The following SYPL1 variants were observed in gnomAD, a reference collection of about 807,000 sequenced individuals.
SYPL1 encodes the protein synaptophysin like 1.
SYPL1 carries 6 observed loss-of-function variants against 23.7 expected under a neutral mutation model. The observed-to-expected ratio is 0.25, with a 90% CI of 0.14 to 0.50. SYPL1 has a LOEUF of 0.50. Among genes scored for constraint, SYPL1 ranks in the 20% least tolerant of loss-of-function variants. SYPL1 has a pLI of 0.98. For missense variants in SYPL1, 253 were observed against 288.9 expected, an observed-to-expected ratio of 0.88 and a Z score of 0.90; for synonymous variants, 102 against 104.5, an observed-to-expected ratio of 0.98 and a Z score of 0.15.
At chr7:106,111,308 C>T (rs1479033275) in intron 1 of SYPL1, among the ~76,000 whole-genome samples, 1 of 152,240 alleles carries the variant, frequency 6.6e-6, no homozygotes, top group Non-Finnish European at 1.5e-5. Flanking sequence ...ATAAACACAA[C>T]TTGCCTGCAG....
At chr7:106,107,495 C>A (rs1840663687) in intron 1 of SYPL1, among the ~76,000 whole-genome samples, 1 of 152,160 alleles carries the variant, frequency 6.6e-6, no homozygotes, top group African/African-American at 2.4e-5. Context: ...AATCCCAGCA[C>A]TTTGGGAGGC....
intron 4 of SYPL1, 68 bp downstream of exon 4, chr7:106,092,881 C>T: frequency 7.7e-7 from 1 of 1,304,760 alleles, no homozygotes; most frequent in Non-Finnish European, 1.0e-6. Context: ...AAAGCTATTG[C>T]TTTCCTGAAT....
At position 106,109,701 on chromosome 7, in the gene SYPL1, C is replaced by T. The variant is rs10268764; in HGVS notation, c.69+2439G>A. Among the ~76,000 whole-genome samples the T allele has an allele frequency of 0.052, 7,894 of 152,230 alleles. 699 individuals are homozygous for T. The highest frequency in any genetic ancestry group is 0.18 in the African/African-American group (7,397 of 41,498). On this transcript the variant is annotated intron_variant, in intron 1 of 4. Coordinates refer to ENST00000455385, the MANE Select transcript of SYPL1 (RefSeq NM_182715.4). The surrounding 1 kb of genome is among the most constrained non-coding windows in gnomAD (Gnocchi z 4.3). ...CTCCTCCTCCTCTTAATGACATTACCTTGAATATGCTAATGGCAACGAAGT... is the reference window on the plus strand; with the variant it reads ...CTCCTCCTCCTCTTAATGACATTACTTTGAATATGCTAATGGCAACGAAGT...
Position 106,091,729 on chromosome 7 carries a change from A to C in SYPL1, c.*76T>G. Reference sequence around the variant, plus strand: ...CAAAGCCATTACTTTTATTAGAAACAAATAATGCTTCTCAAGGTGTTGGCA... The same window carrying C: ...CAAAGCCATTACTTTTATTAGAAACCAATAATGCTTCTCAAGGTGTTGGCA... On this transcript the variant is annotated 3_prime_UTR_variant, in exon 5 of 5. Coordinates refer to ENST00000455385, the MANE Select transcript of SYPL1 (RefSeq NM_182715.4). The surrounding 1 kb of genome is among the most constrained non-coding windows in gnomAD (Gnocchi z 5.0). 6.8e-7 allele frequency: 1 copy of C among 1,474,346 alleles called. No homozygotes were observed. The highest frequency in any genetic ancestry group is 1.4e-5 in the African/African-American group (1 of 70,854). 91.3% of individuals were successfully genotyped at this position (1,474,346 alleles called of 1,614,324 possible).
intron 1 of SYPL1, among the ~76,000 whole-genome samples, chr7:106,102,143 A>C (rs1411591830): frequency 3.3e-5 from 5 of 150,872 alleles, no homozygotes; most frequent in Admixed American, 6.6e-5. Flanking sequence ...CCCAGGCTGG[A>C]GTGCAATGGT....
intron 1 of SYPL1, among the ~76,000 whole-genome samples, chr7:106,102,833 C>G (rs985569796): frequency 9.2e-5 from 14 of 152,010 alleles, no homozygotes; most frequent in African/African-American, 3.1e-4. Flanking sequence ...AGTAAATGGT[C>G]CAGATGAGCT....
rs760702039 is a variant in SYPL1 at position 106,091,842 on chromosome 7, T to G, written c.689A>C (p.His230Pro). The G allele has an allele frequency of 6.2e-7, 1 of 1,613,562 alleles. No homozygotes were observed. The highest frequency in any genetic ancestry group is 1.1e-5 in the South Asian group (1 of 91,022). Reference protein sequence around the residue: ...LHSPSNTSAPHSQGGIPPPTG... With the variant: ...LHSPSNTSAPPSQGGIPPPTG... ...AGGAGGTGGAATACCTCCTTGGCTA[T>G]GAGGGGCAGATGTATTTGATGGACT... Residue 230 changes from histidine (H) to proline (P), a missense_variant, in exon 5 of 5, where the codon CAT becomes CCT. Coordinates refer to ENST00000455385, the MANE Select transcript of SYPL1 (RefSeq NM_182715.4). The surrounding 1 kb of genome is among the most constrained non-coding windows in gnomAD (Gnocchi z 5.0).
chr7:106,090,955 C>T lies in SYPL1; in HGVS notation c.*850G>A, dbSNP rs997680592. 1 of 152,184 alleles carries T rather than the reference C, an allele frequency of 6.6e-6. No homozygotes were observed. Among genetic ancestry groups the T allele is most frequent in the African/African-American group, 2.4e-5 (1 of 41,446 alleles). The allele number at this position is 152,184 out of a possible 1,614,324, so 9.4% of individuals were successfully genotyped here. On this transcript the variant is annotated 3_prime_UTR_variant, in exon 5 of 5. Transcript: ENST00000455385. Reference sequence around the variant, plus strand: ...ATTTTTTTAACCCTTTGACTAGGGTCTGTAAAAAACGGTGGATTATTTTAC... The same window carrying T: ...ATTTTTTTAACCCTTTGACTAGGGTTTGTAAAAAACGGTGGATTATTTTAC...
chr7:106,105,762 A>C (rs1413772799), intron 1 of SYPL1, among the ~76,000 whole-genome samples: 1 of 152,194 alleles, frequency 6.6e-6, no homozygotes, highest in Non-Finnish European at 1.5e-5. Context: ...CATGCTGGGT[A>C]TCCTGAAGGT....
rs1585932501 is a variant in SYPL1, at chr7:106,091,621, ATACATT to A, written c.*178_*183del. On this transcript the variant is annotated 3_prime_UTR_variant, in exon 5 of 5. Transcript: ENST00000455385. This position sits in a 1 kb window ranked among gnomAD's most constrained non-coding sequence, Gnocchi z 5.0. ...TGAACTTTCAAATTTACATGTGAGA[ATACATT>A]TACATCTTAACTTTCTAGGAAAGGC... The A allele has an allele frequency of 1.9e-6, 1 of 533,870 alleles. No individual in the cohort carries two copies. The highest frequency in any genetic ancestry group is 3.2e-5 in the East Asian group (1 of 31,332). The allele number at this position is 533,870 out of a possible 1,614,324, so 33.1% of individuals were successfully genotyped here. A position where few individuals can be genotyped will look rare whatever the true frequency, so the allele number is the denominator to read the frequency against.
At chr7:106,106,212 T>G (rs762615350) in intron 1 of SYPL1, among the ~76,000 whole-genome samples, 1 of 152,172 alleles carries the variant, frequency 6.6e-6, no homozygotes, top group African/African-American at 2.4e-5. Context: ...AGATGCATAT[T>G]GTGGCTCTGT....
chr7:106,110,962 T>A (rs1790114653), intron 1 of SYPL1, among the ~76,000 whole-genome samples: 1 of 152,230 alleles, frequency 6.6e-6, no homozygotes, highest in South Asian at 2.1e-4. Context: ...ATGGTTTTCT[T>A]TATACTTAAA....
rs1839676724 is a variant in SYPL1 at position 106,090,546 on chromosome 7, TAC to T, written c.*1257_*1258del. 6.5e-6 allele frequency: 1 copy of T among 152,674 alleles called. No homozygotes were observed. The highest frequency in any genetic ancestry group is 2.1e-4 in the South Asian group (1 of 4,834). 9.5% of individuals were successfully genotyped at this position (152,674 alleles called of 1,614,324 possible). ...TATTAAATTGGTTGCAAAAAAGATA[TAC>T]ATTCTTATATTGACAATTCTTGTCA... is the stretch of plus-strand genomic sequence containing the variant. On this transcript the variant is annotated 3_prime_UTR_variant, in exon 5 of 5. Coordinates refer to ENST00000455385, the MANE Select transcript of SYPL1 (RefSeq NM_182715.4).
At chr7:106,094,452 G>A (rs1177900076) in intron 3 of SYPL1, among the ~76,000 whole-genome samples, 2 of 152,098 alleles carry the variant, frequency 1.3e-5, no homozygotes, top group African/African-American at 4.8e-5. Context: ...ACATGAACAC[G>A]GAAGTACATG....
intron 1 of SYPL1, among the ~76,000 whole-genome samples, chr7:106,106,191 T>A (rs1194723880): frequency 6.6e-6 from 1 of 152,160 alleles, no homozygotes; most frequent in East Asian, 1.9e-4. Flanking sequence ...AAAACATGCA[T>A]CTTAAGTTGT....
chr7:106,103,215 A>G (rs1840420545), intron 1 of SYPL1, among the ~76,000 whole-genome samples: 1 of 152,238 alleles, frequency 6.6e-6, no homozygotes. Context: ...TATACGGCAA[A>G]AAAGATATAA....
chr7:106,093,039 A>G lies in SYPL1; in HGVS notation c.501T>C (p.Asn167=). ...TACAAGGCGGAAGTTCATCAATAAT[A>G]TTGTGACCAGTAGCTATTTTAATAT... ...LTDIKIATGH[N]IIDELPPCKK... Residue 167 remains asparagine, a synonymous_variant, in exon 4 of 5, where the codon AAT becomes AAC. Transcript: ENST00000455385. 1 of 1,613,962 alleles carries G rather than the reference A, an allele frequency of 6.2e-7. No homozygotes were observed. Among genetic ancestry groups the G allele is most frequent in the South Asian group, 1.1e-5 (1 of 91,064 alleles).
intron 1 of SYPL1, among the ~76,000 whole-genome samples, chr7:106,101,768 C>T (rs976598166): frequency 3.1e-5 from 4 of 127,988 alleles, no homozygotes; most frequent in Admixed American, 1.6e-4. Flanking sequence ...CATATACCCA[C>T]GTTTAAATTA....
Position 106,112,308 on chromosome 7 carries a change from G to T in SYPL1, c.-100C>A, listed in dbSNP as rs1296842359. The T allele has an allele frequency of 7.5e-7, 1 of 1,341,814 alleles. No homozygotes were observed. The highest frequency in any genetic ancestry group is 9.6e-7 in the Non-Finnish European group (1 of 1,036,718). 83.1% of individuals were successfully genotyped at this position (1,341,814 alleles called of 1,614,324 possible). ...GTGGCGAGGAAGGGCAGGCGGGGCT[G>T]GCGCGCTGGCCGGGCTCGGAGGCGG... On this transcript the variant is annotated 5_prime_UTR_variant, in exon 1 of 5. Transcript: ENST00000455385.
Sources: allele counts gnomAD v4.1 joint callset (sites outside exome capture counted in the v4.1 genomes callset), GRCh38; gene constraint gnomAD v4.1.1; non-coding constraint Gnocchi (gnomAD v3.1); transcripts MANE v1.5; gene names NCBI Gene and HGNC (gene_info 2026-07-23, HGNC 2026-07-21).